Variants in NPSR1 observed in about 807,000 individuals in gnomAD.
NPSR1 encodes the protein neuropeptide S receptor 1, also known as neuropeptide S receptor.
A neutral mutation model predicts 46.9 loss-of-function variants in NPSR1; 48 were observed. That is an observed-to-expected ratio of 1.02 (90% CI 0.81 to 1.30). The LOEUF (loss-of-function observed/expected upper bound fraction) is 1.30. Among genes scored for constraint, NPSR1 ranks in the 50% most tolerant of loss-of-function variants. NPSR1 has a pLI of 0.00. For missense variants in NPSR1, 450 were observed against 449.5 expected, an observed-to-expected ratio of 1.00 and a Z score of -0.01; for synonymous variants, 176 against 168.1, an observed-to-expected ratio of 1.05 and a Z score of -0.36.
At chr7:34,724,015 C>A (rs922837673) in intron 2 of NPSR1, among the ~76,000 whole-genome samples, 1 of 152,138 alleles carries the variant, frequency 6.6e-6, no homozygotes, top group African/African-American at 2.4e-5. Flanking sequence ...ATCTTCCACA[C>A]TGAGTTAGTC....
At chr7:34,864,438 T>G (rs547196479) in intron 8 of NPSR1, among the ~76,000 whole-genome samples, 1 of 151,622 alleles carries the variant, frequency 6.6e-6, no homozygotes, top group South Asian at 2.1e-4. Context: ...TGTTCCAAAT[T>G]TGAATATAAA....
intron 2 of NPSR1, among the ~76,000 whole-genome samples, chr7:34,771,311 C>CA (rs1472814274): frequency 6.6e-6 from 1 of 152,044 alleles, no homozygotes; most frequent in East Asian, 1.9e-4. Context: ...GGTGTGGTGT[C>CA]ACGTACTGTT....
At chr7:34,764,829 G>A (rs1454968036) in intron 2 of NPSR1, among the ~76,000 whole-genome samples, 1 of 152,242 alleles carries the variant, frequency 6.6e-6, no homozygotes. Context: ...ATTTTCATGG[G>A]GAGGAGGAAT....
intron 3 of NPSR1, among the ~76,000 whole-genome samples, chr7:34,811,147 TG>T (rs1347754579): frequency 6.6e-6 from 1 of 152,118 alleles, no homozygotes; most frequent in Non-Finnish European, 1.5e-5. Flanking sequence ...AGTGCCCTCT[TG>T]GTGGCCATGT....
chr7:34,701,117 A>G (rs1225620507), intron 2 of NPSR1, among the ~76,000 whole-genome samples: 1 of 152,206 alleles, frequency 6.6e-6, no homozygotes, highest in African/African-American at 2.4e-5. Context: ...GTCATATACC[A>G]TTCTTAAAGG....
chr7:34,820,049 A>T (rs1015332512), intron 4 of NPSR1, among the ~76,000 whole-genome samples: 1 of 152,250 alleles, frequency 6.6e-6, no homozygotes, highest in East Asian at 1.9e-4. Flanking sequence ...GTTCACATGT[A>T]CAATGATAAT....
chr7:34,722,997 A>G (rs900923599), intron 2 of NPSR1, among the ~76,000 whole-genome samples: 11 of 152,220 alleles, frequency 7.2e-5, no homozygotes, highest in African/African-American at 2.7e-4. Context: ...TTTCCCAGCC[A>G]AATTGCAAAC....
intron 2 of NPSR1, 63 bp downstream of exon 2, chr7:34,684,747 T>G: frequency 7.5e-7 from 1 of 1,336,320 alleles, no homozygotes; most frequent in African/African-American, 1.9e-5. Context: ...CTTCCTGCTT[T>G]TAATGAATTT....
At chr7:34,848,777 T>C in intron 8 of NPSR1, 114 bp downstream of exon 8, 1 of 918,172 alleles carries the variant, frequency 1.1e-6, no homozygotes, top group Non-Finnish European at 1.7e-6. Context: ...ATCCCCCTTT[T>C]ATAGATGAGA....
intron 3 of NPSR1, chr7:34,779,608 G>A: frequency 7.9e-7 from 1 of 1,266,904 alleles, no homozygotes; most frequent in Non-Finnish European, 1.0e-6. Flanking sequence ...CTTCTTTTGT[G>A]CTCTGAATAT....
At chr7:34,851,604 C>T (rs1416535628), downstream of NPSR1, among the ~76,000 whole-genome samples, 1 of 152,184 alleles carries the variant, frequency 6.6e-6, no homozygotes, top group African/African-American at 2.4e-5. Context: ...GCTAAAATAG[C>T]TGGCTGCATA....
Position 34,668,592 on chromosome 7 carries a change from G to C in NPSR1, c.147+10033G>C, listed in dbSNP as rs140610961. Among the ~76,000 whole-genome samples, 12 of 152,338 alleles carry C rather than the reference G, an allele frequency of 7.9e-5. No homozygotes were observed. In the East Asian group the frequency reaches 2.1e-3, roughly 27 times the overall value. On this transcript the variant is annotated intron_variant, in intron 1 of 8. Coordinates refer to ENST00000360581, the MANE Select transcript of NPSR1 (RefSeq NM_207172.2). ...GGAAACAAATAACTGGATATTCTCA[G>C]TGGGTTAAAATCATAATATTTTAAT...
chr7:34,827,467 T>C lies in NPSR1; in HGVS notation c.545T>C (p.Leu182Pro). Residue 182 changes from leucine to proline, a missense_variant, in exon 5 of 9, where the codon CTG becomes CCG. Leu to Pro is a moderately conservative substitution (Grantham distance 98, BLOSUM62 -3). Transcript: ENST00000360581. ...SLSFLFSIPT[L>P]IIFGKRTLSN... is the part of the protein sequence containing the mutation. ...TCTTTTCTGTTCTCCATTCCCACCC[T>C]GATCATATTTGGGAAGAGGACACTG... 1.2e-6 allele frequency: 2 copies of C among 1,614,104 alleles called. No homozygotes were observed. The highest frequency in any genetic ancestry group is 2.2e-5 in the South Asian group (2 of 91,082).
chr7:34,735,229 G>A (rs2128715949), intron 2 of NPSR1, among the ~76,000 whole-genome samples: 1 of 152,232 alleles, frequency 6.6e-6, no homozygotes, highest in Non-Finnish European at 1.5e-5. Flanking sequence ...CACTCCCTTG[G>A]CCCTCATCAG....
At chr7:34,732,720 T>A (rs1218419871) in intron 2 of NPSR1, among the ~76,000 whole-genome samples, 1 of 152,190 alleles carries the variant, frequency 6.6e-6, no homozygotes, top group Non-Finnish European at 1.5e-5. Flanking sequence ...GCTTGAAAGG[T>A]AGGGTGTATA....
chr7:34,836,712 AAAAG>A (rs1157051401), intron 6 of NPSR1, among the ~76,000 whole-genome samples: 1 of 149,930 alleles, frequency 6.7e-6, no homozygotes. Flanking sequence ...GGAAGGAAGG[AAAAG>A]AAAGAAAGGA....
chr7:34,752,908 C>T (rs1785613324), intron 2 of NPSR1, among the ~76,000 whole-genome samples: 1 of 152,138 alleles, frequency 6.6e-6, no homozygotes, highest in Non-Finnish European at 1.5e-5. Flanking sequence ...TGCTTCCTTC[C>T]CAGAAGATTT....
At chr7:34,747,732 T>C (rs17169994) in intron 2 of NPSR1, among the ~76,000 whole-genome samples, 288 of 152,352 alleles carry the variant, frequency 1.9e-3, no homozygotes, top group African/African-American at 6.7e-3. Context: ...AAACACTTAA[T>C]TGACTGCAAT....
At chr7:34,744,990 A>T (rs1785132099) in intron 2 of NPSR1, among the ~76,000 whole-genome samples, 1 of 152,244 alleles carries the variant, frequency 6.6e-6, no homozygotes, top group East Asian at 1.9e-4. Context: ...TGTATTAGGA[A>T]TTAAAAGTAA....
Sources: gnomAD v4.1 joint callset for allele counts (sites outside exome capture counted in the v4.1 genomes callset) on GRCh38, gnomAD v4.1.1 for gene constraint, MANE v1.5 for transcripts, NCBI Gene and HGNC (gene_info 2026-07-23, HGNC 2026-07-21) for gene names.